The following BMPR2 variants were observed in gnomAD, a reference collection of about 807,000 sequenced individuals.
BMPR2 encodes bone morphogenetic protein receptor type 2, also known as bone morphogenetic protein receptor type-2.
BMPR2 carries 29 observed loss-of-function variants against 100.8 expected under a neutral mutation model. The observed-to-expected ratio is 0.29, with a 90% CI of 0.21 to 0.39. The LOEUF is 0.39. BMPR2 is among the 10% of genes least tolerant of loss of function. The pLI is 1.00. For synonymous variants in BMPR2, 382 were observed against 442.3 expected, an observed-to-expected ratio of 0.86 and a Z score of 1.71; for missense variants, 1,011 against 1,274.5, an observed-to-expected ratio of 0.79 and a Z score of 3.15.
chr2:202,454,514 T>C (rs1692051770), intron 1 of BMPR2, among the ~76,000 whole-genome samples: 1 of 152,208 alleles, frequency 6.6e-6, no homozygotes, highest in Non-Finnish European at 1.5e-5. Context: ...TAACAGTCTA[T>C]AACCAAGTAA....
At chr2:202,489,802 A>G (rs572525877) in intron 3 of BMPR2, among the ~76,000 whole-genome samples, 2 of 152,250 alleles carry the variant, frequency 1.3e-5, no homozygotes, top group Non-Finnish European at 2.9e-5. Context: ...AAAGTTTTAT[A>G]TGTTGACACA....
intron 9 of BMPR2, among the ~76,000 whole-genome samples, chr2:202,540,682 G>A (rs540555333): frequency 1.3e-5 from 2 of 151,972 alleles, no homozygotes; most frequent in South Asian, 4.2e-4. Flanking sequence ...TTTCCATCTG[G>A]GTCATTATAA....
intron 10 of BMPR2, among the ~76,000 whole-genome samples, chr2:202,545,495 T>G (rs536096797): frequency 2.0e-5 from 3 of 152,074 alleles, no homozygotes; most frequent in Non-Finnish European, 4.4e-5. Flanking sequence ...GGACAAAAAG[T>G]GAAAAAATAA....
intron 5 of BMPR2, among the ~76,000 whole-genome samples, chr2:202,517,848 G>C (rs1157223790): frequency 6.8e-6 from 1 of 146,620 alleles, no homozygotes; most frequent in African/African-American, 2.5e-5. Flanking sequence ...AGTCTCACTC[G>C]GTCACCCAGT....
In BMPR2 at chr2:202,505,804, C is replaced by T. The variant is rs189871826; in HGVS notation, c.419-7915C>T. ...TCACTAAACTACTTTACCACTGTTA[C>T]CTGAAATATTTTGGGAGTGTAATAT... On this transcript the variant is annotated intron_variant, in intron 3 of 12. Transcript: ENST00000374580. Among the ~76,000 whole-genome samples, 308 of 152,262 alleles carry T rather than the reference C, an allele frequency of 2.0e-3. 3 individuals are homozygous for T. The highest frequency in any genetic ancestry group is 2.4e-3 in the Non-Finnish European group (162 of 68,030).
intron 7 of BMPR2, among the ~76,000 whole-genome samples, chr2:202,523,221 G>A (rs1257784064): frequency 1.3e-5 from 2 of 152,196 alleles, no homozygotes; most frequent in Admixed American, 1.3e-4. Flanking sequence ...TTAATGAAAA[G>A]TCAAAAAACA....
Position 202,435,376 on chromosome 2 carries a change from CATATAT to C in BMPR2, c.77-29406_77-29401del, listed in dbSNP as rs141854934. On this transcript the variant is annotated intron_variant, in intron 1 of 12. Transcript: ENST00000374580. Reference sequence around the variant, plus strand: ...CAGATCCTGTCTCAAAAAAAAAATACATATATATATATATATATATATATATATATA... The same window carrying C: ...CAGATCCTGTCTCAAAAAAAAAATACATATATATATATATATATATATATA... 4.7e-3 allele frequency among the ~76,000 whole-genome samples: 486 copies of C among 103,392 alleles called. 9 individuals carry two copies. The highest frequency in any genetic ancestry group is 0.01 in the Middle Eastern group (2 of 198). 67.8% of individuals were successfully genotyped at this position (103,392 alleles called of 152,430 possible). A position where few individuals can be genotyped will look rare whatever the true frequency, so the allele number is the denominator to read the frequency against.
intron 10 of BMPR2, among the ~76,000 whole-genome samples, chr2:202,547,850 G>A (rs1688404172): frequency 1.3e-5 from 2 of 150,660 alleles, no homozygotes; most frequent in South Asian, 2.1e-4. Context: ...TTGGGAGGCC[G>A]AGGTGGGTGG....
intron 3 of BMPR2, among the ~76,000 whole-genome samples, chr2:202,484,794 G>A (rs1692737899): frequency 6.6e-6 from 1 of 150,464 alleles, no homozygotes; most frequent in African/African-American, 2.4e-5. Flanking sequence ...GTGAAACCCC[G>A]TCTCTACTAA....
chr2:202,527,075 G>A (rs184789937), intron 7 of BMPR2, among the ~76,000 whole-genome samples: 4 of 152,082 alleles, frequency 2.6e-5, no homozygotes, highest in African/African-American at 7.2e-5. Context: ...TATTGGCCAG[G>A]GTGGTCTCAA....
intron 7 of BMPR2, among the ~76,000 whole-genome samples, chr2:202,528,571 A>G (rs142998471): frequency 9.2e-5 from 14 of 152,378 alleles, no homozygotes; most frequent in African/African-American, 2.2e-4. Flanking sequence ...TGCATTTAAT[A>G]CATTTAACCT....
chr2:202,385,421 A>G (rs1197309186), intron 1 of BMPR2, among the ~76,000 whole-genome samples: 1 of 132,638 alleles, frequency 7.5e-6, no homozygotes, highest in Non-Finnish European at 1.5e-5. Flanking sequence ...GTGGGAGTAC[A>G]GTGGCGTGAT....
chr2:202,403,380 T>G (rs1336048556), intron 1 of BMPR2, among the ~76,000 whole-genome samples: 1 of 151,848 alleles, frequency 6.6e-6, no homozygotes, highest in East Asian at 1.9e-4. Flanking sequence ...TTGTATTTTT[T>G]GTAGAGATGG....
chr2:202,466,799 C>T (rs954132656), intron 2 of BMPR2, among the ~76,000 whole-genome samples: 1 of 149,626 alleles, frequency 6.7e-6, no homozygotes, highest in African/African-American at 2.5e-5. Flanking sequence ...GGTATGGCTG[C>T]GTTGCCCAGG....
chr2:202,566,916 A>G lies in BMPR2; in HGVS notation c.*6970A>G, dbSNP rs578092251. 3 of 152,202 alleles carry G rather than the reference A, an allele frequency of 2.0e-5. No homozygotes were observed. The highest frequency in any genetic ancestry group is 4.4e-5 in the Non-Finnish European group (3 of 68,022). The allele number at this position is 152,202 out of a possible 1,614,324, so 9.4% of individuals were successfully genotyped here. ...ATCCTCGTAAGTATGTAAAGGAAAC[A>G]TATTTTTAAAGAAGCTTAACAGTAA... is the stretch of plus-strand genomic sequence containing the variant. On this transcript the variant is annotated 3_prime_UTR_variant, in exon 13 of 13. Coordinates refer to ENST00000374580, the MANE Select transcript of BMPR2 (RefSeq NM_001204.7).
In BMPR2 at chr2:202,555,409, A is replaced by G; in HGVS notation, c.1744A>G (p.Lys582Glu). The G allele has an allele frequency of 1.2e-6, 2 of 1,614,228 alleles. No individual in the cohort carries two copies. The highest frequency in any genetic ancestry group is 1.7e-6 in the Non-Finnish European group (2 of 1,180,044). Residue 582 changes from lysine (K) to glutamate (E), a missense_variant, in exon 12 of 13, where the codon AAA becomes GAA. Around this residue, in one of 6 missense-constraint regions of BMPR2, gnomAD observed 508 missense variants for 552.0 expected, o/e 0.92. Transcript: ENST00000374580. Reference protein sequence around the residue: ...MSSTPLTIGEKNRNSINYERQ... With the variant: ...MSSTPLTIGEENRNSINYERQ... ...CAGCACACCTTTGACTATAGGGGAA[A>G]AAAACCGAAATTCAATTAACTATGA... is the stretch of plus-strand genomic sequence containing the variant.
rs1553493267 is a variant in BMPR2, at chr2:202,384,569, T to TTTTTTTCTTTCTTTTCTTTC, written c.76+7023_76+7024insTTCTTTCTTTTCTTTCTTTT. On this transcript the variant is annotated intron_variant, in intron 1 of 12. Transcript: ENST00000374580. ...CTTTCTTTCTTTCTTTCTTTCTTTC[T>TTTTTTTCTTTCTTTTCTTTC]TTTTCTTTCTTTTCTTTCTTTTCTT... Among the ~76,000 whole-genome samples the TTTTTTTCTTTCTTTTCTTTC allele has an allele frequency of 5.1e-4, 48 of 93,594 alleles. 1 individual carries two copies. In the South Asian group the frequency reaches 0.014, roughly 28 times the overall value. 61.4% of individuals were successfully genotyped at this position (93,594 alleles called of 152,430 possible). A position where few individuals can be genotyped will look rare whatever the true frequency, so the allele number is the denominator to read the frequency against.
At chr2:202,471,415 G>C (rs1293134717) in intron 3 of BMPR2, among the ~76,000 whole-genome samples, 4 of 152,078 alleles carry the variant, frequency 2.6e-5, no homozygotes, top group Non-Finnish European at 4.4e-5. Context: ...GGAAAAGTTA[G>C]TAATTATAAA....
chr2:202,452,538 A>G (rs992292413), intron 1 of BMPR2, among the ~76,000 whole-genome samples: 1 of 152,318 alleles, frequency 6.6e-6, no homozygotes, highest in Non-Finnish European at 1.5e-5. Context: ...AGTCCCAACT[A>G]TCCAGAGACC....
Sources: gnomAD v4.1 joint callset for allele counts (sites outside exome capture counted in the v4.1 genomes callset) on GRCh38, gnomAD v4.1.1 for gene constraint, gnomAD v4.1.1 regional missense constraint, MANE v1.5 for transcripts, NCBI Gene and HGNC (gene_info 2026-07-23, HGNC 2026-07-21) for gene names.